Variants in KIRREL1 observed in about 807,000 individuals in gnomAD.
KIRREL1 encodes the protein kirre like nephrin family adhesion molecule 1.
A neutral mutation model predicts 83.3 loss-of-function variants in KIRREL1; 25 were observed. That is an observed-to-expected ratio of 0.30 (90% CI 0.22 to 0.42). KIRREL1 has a LOEUF of 0.42. Ranked by LOEUF, KIRREL1 falls within the 10% of genes least tolerant of loss-of-function variation. KIRREL1 has a pLI of 1.00. For synonymous variants in KIRREL1, 388 were observed against 410.4 expected (o/e 0.95, Z 0.66); for missense variants, 812 against 1,032.3 (o/e 0.79, Z 2.92).
intron 1 of KIRREL1, among the ~76,000 whole-genome samples, chr1:158,022,876 C>T (rs755032233): frequency 2.6e-5 from 4 of 152,284 alleles, no homozygotes; most frequent in Non-Finnish European, 4.4e-5. Context: ...CCTGCACACC[C>T]GCACACTCTT....
chr1:158,014,314 G>A (rs528997909), intron 1 of KIRREL1, among the ~76,000 whole-genome samples: 2 of 152,200 alleles, frequency 1.3e-5, no homozygotes, highest in Non-Finnish European at 2.9e-5. Flanking sequence ...CATGGCAACA[G>A]CAAAGAAAAG....
chr1:158,024,602 A>G (rs1213120755), intron 1 of KIRREL1, among the ~76,000 whole-genome samples: 1 of 152,106 alleles, frequency 6.6e-6, no homozygotes, highest in Non-Finnish European at 1.5e-5. Context: ...TTGAACAGGT[A>G]TTGTTAACAG....
intron 1 of KIRREL1, among the ~76,000 whole-genome samples, chr1:158,070,941 C>G (rs567541050): frequency 3.3e-5 from 5 of 152,302 alleles, no homozygotes; most frequent in African/African-American, 1.2e-4. Flanking sequence ...CACCTGCCTG[C>G]AAACCCTGGC....
At chr1:157,996,454 G>A (rs561849330) in intron 1 of KIRREL1, among the ~76,000 whole-genome samples, 549 of 152,078 alleles carry the variant, frequency 3.6e-3, no homozygotes, top group Non-Finnish European at 6.0e-3. Context: ...AGCTGCCTCC[G>A]TGGGGGGGAT....
At chr1:158,018,421 T>TCGTAGCTG (rs1659899667) in intron 1 of KIRREL1, among the ~76,000 whole-genome samples, 4 of 152,042 alleles carry the variant, frequency 2.6e-5, no homozygotes, top group African/African-American at 9.7e-5. Flanking sequence ...GGGAGAGACC[T>TCGTAGCTG]GTGGGCAGGT....
At chr1:158,035,474 G>A (rs1315444015) in intron 1 of KIRREL1, among the ~76,000 whole-genome samples, 7 of 152,152 alleles carry the variant, frequency 4.6e-5, no homozygotes, top group Non-Finnish European at 8.8e-5. Flanking sequence ...AAAGAAAGGA[G>A]AGAAATCAAG....
At chr1:157,994,403 G>A (rs1659133080) in intron 1 of KIRREL1, among the ~76,000 whole-genome samples, 1 of 151,322 alleles carries the variant, frequency 6.6e-6, no homozygotes, top group Non-Finnish European at 1.5e-5. Context: ...GGAACTCACG[G>A]GGGCGGGGGC....
At chr1:158,016,325 GAAAATGTCAACTACTATTTTA>G (rs1659824435) in intron 1 of KIRREL1, among the ~76,000 whole-genome samples, 2 of 151,554 alleles carry the variant, frequency 1.3e-5, no homozygotes, top group Non-Finnish European at 1.5e-5. Context: ...AGAAAGCAAA[GAAAATGTCAACTACTATTTTA>G]AGTAAACAAA....
At chr1:158,093,521 G>T in intron 12 of KIRREL1, 75 bp downstream of exon 12, 1 of 1,603,054 alleles carries the variant, frequency 6.2e-7, no homozygotes, top group Admixed American at 1.7e-5. Flanking sequence ...GCTTGGGGTG[G>T]ATGGGAGGTT....
intron 3 of KIRREL1, among the ~76,000 whole-genome samples, chr1:158,080,707 G>A (rs1157137648): frequency 1.3e-5 from 2 of 152,202 alleles, no homozygotes; most frequent in Non-Finnish European, 2.9e-5. Context: ...CCTCCCGGGT[G>A]TGGCAGCAAC....
At chr1:157,999,066 T>C (rs1659284846) in intron 1 of KIRREL1, among the ~76,000 whole-genome samples, 2 of 152,142 alleles carry the variant, frequency 1.3e-5, no homozygotes, top group African/African-American at 4.8e-5. Flanking sequence ...CTGCCTTTCT[T>C]AGAGTTAAGG....
At chr1:158,078,961 C>G (rs12046153) in intron 3 of KIRREL1, among the ~76,000 whole-genome samples, 13,722 of 152,068 alleles carry the variant, frequency 0.09, 698 homozygotes, top group East Asian at 0.17. Context: ...CTTGCCCCCC[C>G]TCACCCACTC....
intron 1 of KIRREL1, among the ~76,000 whole-genome samples, chr1:157,995,543 A>G (rs1659170581): frequency 6.6e-6 from 1 of 151,994 alleles, no homozygotes; most frequent in Non-Finnish European, 1.5e-5. Flanking sequence ...GTATTGGTCT[A>G]TGTTGGGGGC....
intron 1 of KIRREL1, among the ~76,000 whole-genome samples, chr1:158,059,381 A>T (rs924471342): frequency 6.6e-6 from 1 of 152,288 alleles, no homozygotes; most frequent in Middle Eastern, 3.4e-3. Flanking sequence ...ACTGTAGGGG[A>T]GAACGCTCTG....
chr1:158,094,532 C>A lies in KIRREL1; in HGVS notation c.1798-112C>A. 8.0e-7 allele frequency: 1 copy of A among 1,246,734 alleles called. No individual in the cohort carries two copies. The highest frequency in any genetic ancestry group is 1.2e-6 in the Non-Finnish European group (1 of 854,424). The allele number at this position is 1,246,734 out of a possible 1,614,324, so 77.2% of individuals were successfully genotyped here. ...TTGAAGGAGCAGAGGAGGTGGAATG[C>A]TAGATGGGGACATAGGGAGAGCTGG... is the stretch of plus-strand genomic sequence containing the variant. On this transcript the variant is annotated intron_variant, in intron 14 of 14. Coordinates refer to ENST00000359209, the MANE Select transcript of KIRREL1 (RefSeq NM_018240.7). This position sits in a 1 kb window ranked among gnomAD's most constrained non-coding sequence, Gnocchi z 4.6.
chr1:158,034,913 A>C (rs1660433631), intron 1 of KIRREL1, among the ~76,000 whole-genome samples: 1 of 152,190 alleles, frequency 6.6e-6, no homozygotes, highest in Non-Finnish European at 1.5e-5. Flanking sequence ...TATTGAAGAA[A>C]TTGAGGCAAG....
chr1:158,080,272 CT>C (rs1224652787), intron 3 of KIRREL1, among the ~76,000 whole-genome samples: 1 of 152,148 alleles, frequency 6.6e-6, no homozygotes, highest in Non-Finnish European at 1.5e-5. Flanking sequence ...CTTCTTTCTG[CT>C]ACCTTATCAC....
chr1:158,010,058 A>C (rs960506745), intron 1 of KIRREL1, among the ~76,000 whole-genome samples: 3 of 152,056 alleles, frequency 2.0e-5, no homozygotes, highest in African/African-American at 7.3e-5. Flanking sequence ...TGAGAAGGTT[A>C]ATTTCCAAGA....
chr1:158,034,142 G>A (rs1224727643), intron 1 of KIRREL1, among the ~76,000 whole-genome samples: 2 of 151,218 alleles, frequency 1.3e-5, no homozygotes, highest in South Asian at 4.2e-4. Flanking sequence ...GCTTGGTGGC[G>A]GGCGCCTGTA....
Sources: gnomAD v4.1 joint callset for allele counts (sites outside exome capture counted in the v4.1 genomes callset) on GRCh38, gnomAD v4.1.1 for gene constraint, Gnocchi (gnomAD v3.1) non-coding constraint, MANE v1.5 for transcripts, NCBI Gene and HGNC (gene_info 2026-07-23, HGNC 2026-07-21) for gene names.